Variants in HDAC9 observed in about 807,000 individuals in gnomAD.
HDAC9 encodes MEF-2 interacting transcription repressor (MITR) protein.
HDAC9 carries 41 observed loss-of-function variants against 139.4 expected under a neutral mutation model. The observed-to-expected ratio is 0.29, with a 90% CI of 0.23 to 0.38. The LOEUF is 0.38. HDAC9 is among the 10% of genes least tolerant of loss of function. The pLI, the probability that HDAC9 is intolerant of heterozygous loss-of-function variation, is 1.00. For synonymous variants in HDAC9, 517 were observed against 476.2 expected (o/e 1.09, Z -1.12); for missense variants, 1,147 against 1,297.0 (o/e 0.88, Z 1.78).
intron 2 of HDAC9, among the ~76,000 whole-genome samples, chr7:18,183,718 CAA>C (rs1562720442): frequency 6.6e-6 from 1 of 152,168 alleles, no homozygotes. Flanking sequence ...ATCTTGGCCT[CAA>C]GAGATCCTCC....
At position 18,996,118 on chromosome 7, in the gene HDAC9, A is replaced by C; in HGVS notation, c.*56A>C. On this transcript the variant is annotated 3_prime_UTR_variant, in exon 26 of 26. Transcript: ENST00000686413. ...GTGTGACATCATTGTGTATCCCCCC[A>C]CCCCAGTACCCTCAGACATGTCTTG... The C allele has an allele frequency of 7.8e-7, 1 of 1,287,202 alleles. No homozygotes were observed. Among genetic ancestry groups the C allele is most frequent in the Non-Finnish European group, 1.1e-6 (1 of 902,094 alleles). The allele number at this position is 1,287,202 out of a possible 1,614,324, so 79.7% of individuals were successfully genotyped here. A position where few individuals can be genotyped will look rare whatever the true frequency, so the allele number is the denominator to read the frequency against.
intron 12 of HDAC9, among the ~76,000 whole-genome samples, chr7:18,702,809 A>G (rs529734905): frequency 1.8e-4 from 27 of 152,124 alleles, no homozygotes; most frequent in Non-Finnish European, 3.7e-4. Context: ...TGCAACCAAC[A>G]CTGCGGTTTT....
chr7:18,728,366 C>A (rs1338211665), intron 13 of HDAC9, among the ~76,000 whole-genome samples: 1 of 149,848 alleles, frequency 6.7e-6, no homozygotes, highest in African/African-American at 2.5e-5. Context: ...GAAAACAAGC[C>A]AGATAATTCC....
At chr7:18,673,934 G>T (rs1439989564) in intron 12 of HDAC9, among the ~76,000 whole-genome samples, 1 of 152,022 alleles carries the variant, frequency 6.6e-6, no homozygotes, top group Non-Finnish European at 1.5e-5. Flanking sequence ...AATATTAGTT[G>T]TAAGGAGAAT....
At chr7:18,617,465 A>G (rs866978898) in intron 6 of HDAC9, among the ~76,000 whole-genome samples, 156 of 152,300 alleles carry the variant, frequency 1.0e-3, no homozygotes, top group African/African-American at 3.6e-3. Flanking sequence ...CTGGTTTTCC[A>G]GATGCTCCTT....
intron 21 of HDAC9, among the ~76,000 whole-genome samples, chr7:18,864,804 T>C (rs528743318): frequency 6.6e-6 from 1 of 152,002 alleles, no homozygotes; most frequent in African/African-American, 2.4e-5. Flanking sequence ...CCTGGAAAGA[T>C]GAAAAAGTTC....
intron 2 of HDAC9, among the ~76,000 whole-genome samples, chr7:18,272,912 TGCTACTACTACTACTACTA>T (rs1796445153): frequency 9.3e-6 from 1 of 107,882 alleles, no homozygotes; most frequent in Non-Finnish European, 1.8e-5. Flanking sequence ...ACTAGACTAC[TGCTACTACTACTACTACTA>T]CTACTACTAC....
intron 25 of HDAC9, among the ~76,000 whole-genome samples, chr7:18,990,628 C>G (rs543889666): frequency 2.0e-5 from 3 of 152,242 alleles, no homozygotes; most frequent in African/African-American, 7.2e-5. Context: ...TGGGCAATGG[C>G]GGGCGCCCCT....
In HDAC9 at chr7:18,659,760, G is replaced by A. The variant is rs541865881; in HGVS notation, c.1468-6453G>A. Among the ~76,000 whole-genome samples, 98 of 152,224 alleles carry A rather than the reference G, an allele frequency of 6.4e-4. 1 individual carries two copies. The highest frequency in any genetic ancestry group is 2.2e-3 in the African/African-American group (91 of 41,556). ...ACCTGGTGTCAGACGAGTGGCACAC[G>A]GTGTGTTTTACAGATGAGGCCTCAG... On this transcript the variant is annotated intron_variant, in intron 11 of 25. Coordinates refer to ENST00000686413, the MANE Select transcript of HDAC9 (RefSeq NM_178425.4).
Position 18,628,608 on chromosome 7 carries a change from A to T in HDAC9, c.665-742A>T, listed in dbSNP as rs78342830. On this transcript the variant is annotated intron_variant, in intron 6 of 25. Coordinates refer to ENST00000686413, the MANE Select transcript of HDAC9 (RefSeq NM_178425.4). ...TTAAAAATAGTGAAGCTCTGTAATA[A>T]GCTTCACTGTTTAGAATATGAAATA... 5.1e-3 allele frequency among the ~76,000 whole-genome samples: 779 copies of T among 152,326 alleles called. 4 individuals are homozygous for T. Among genetic ancestry groups the T allele is most frequent in the African/African-American group, 0.018 (741 of 41,582 alleles).
At chr7:18,525,952 C>A (rs1478134968) in intron 2 of HDAC9, among the ~76,000 whole-genome samples, 1 of 152,226 alleles carries the variant, frequency 6.6e-6, no homozygotes, top group Non-Finnish European at 1.5e-5. Flanking sequence ...CATTCTCTCA[C>A]CACCAAAGAC....
chr7:18,434,490 A>G (rs1433893429), intron 1 of HDAC9, among the ~76,000 whole-genome samples: 1 of 152,110 alleles, frequency 6.6e-6, no homozygotes, highest in Non-Finnish European at 1.5e-5. Flanking sequence ...TTTGCAAACT[A>G]TGCATGCAAC....
intron 1 of HDAC9, among the ~76,000 whole-genome samples, chr7:18,097,726 C>G (rs1157485280): frequency 6.6e-6 from 1 of 152,046 alleles, no homozygotes; most frequent in African/African-American, 2.4e-5. Flanking sequence ...TACCACCACA[C>G]CTGGCTAATT....
intron 12 of HDAC9, 84 bp from the exon 13 acceptor site, chr7:18,727,496 A>G (rs745702286): frequency 2.3e-5 from 27 of 1,159,214 alleles, no homozygotes; most frequent in African/African-American, 3.2e-5. Context: ...GACCTGATGA[A>G]CTTAATTTGT....
At chr7:18,244,978 T>C (rs1794423072) in intron 2 of HDAC9, among the ~76,000 whole-genome samples, 1 of 146,454 alleles carries the variant, frequency 6.8e-6, no homozygotes, top group Non-Finnish European at 1.5e-5. Flanking sequence ...TATACATCTC[T>C]CTATTATCTA....
chr7:18,353,072 C>G (rs1782977861), intron 1 of HDAC9, among the ~76,000 whole-genome samples: 1 of 152,100 alleles, frequency 6.6e-6, no homozygotes, highest in Non-Finnish European at 1.5e-5. Flanking sequence ...CCTTCATGTG[C>G]TATTGTATTA....
chr7:18,982,993 T>C (rs1445411335), intron 25 of HDAC9, among the ~76,000 whole-genome samples: 1 of 152,194 alleles, frequency 6.6e-6, no homozygotes, highest in African/African-American at 2.4e-5. Context: ...GTCTTAACCA[T>C]GTTAAGTGTT....
intron 6 of HDAC9, among the ~76,000 whole-genome samples, chr7:18,614,399 G>T (rs1013778518): frequency 1.3e-5 from 2 of 152,056 alleles, no homozygotes; most frequent in Admixed American, 6.6e-5. Context: ...TGTCTCTGTT[G>T]TCTTCTTTGT....
At chr7:18,728,343 C>G (rs1279076712) in intron 13 of HDAC9, among the ~76,000 whole-genome samples, 1 of 149,944 alleles carries the variant, frequency 6.7e-6, no homozygotes, top group Non-Finnish European at 1.5e-5. Flanking sequence ...TATTTCAGAA[C>G]CTGACTACAG....
Sources: gnomAD v4.1 joint callset for allele counts (sites outside exome capture counted in the v4.1 genomes callset) on GRCh38, gnomAD v4.1.1 for gene constraint, MANE v1.5 for transcripts, NCBI Gene and HGNC (gene_info 2026-07-23, HGNC 2026-07-21) for gene names.